The following CCDC88C variants were observed in gnomAD, a reference collection of about 807,000 sequenced individuals.
CCDC88C encodes the protein protein Daple.
A neutral mutation model predicts 198.8 loss-of-function variants in CCDC88C; 131 were observed. The ratio of observed to expected loss-of-function variants is 0.66; its 90% confidence interval spans 0.57 to 0.76. The LOEUF (loss-of-function observed/expected upper bound fraction) is 0.76. Ranked by LOEUF, CCDC88C falls within the 30% of genes least tolerant of loss-of-function variation. CCDC88C has a pLI of 0.00. For missense variants in CCDC88C, 2,553 were observed against 2,631.6 expected (o/e 0.97, Z 0.65); for synonymous variants, 1,166 against 1,114.7 (o/e 1.05, Z -0.92).
At position 91,273,574 on chromosome 14, in the gene CCDC88C, G is replaced by T; in HGVS notation, c.5138C>A (p.Pro1713Gln). The T allele has an allele frequency of 6.7e-7, 1 of 1,501,146 alleles. No homozygotes were observed. Among genetic ancestry groups the T allele is most frequent in the Non-Finnish European group, 8.9e-7 (1 of 1,124,040 alleles). The allele number at this position is 1,501,146 out of a possible 1,614,324, so 93.0% of individuals were successfully genotyped here. A position where few individuals can be genotyped will look rare whatever the true frequency, so the allele number is the denominator to read the frequency against. ...ASDPPAIGGQPGPPAKKEGAK... is the reference protein window; with the variant it reads ...ASDPPAIGGQQGPPAKKEGAK... ...CCCTTCTTTCTTGGCAGGTGGTCCT[G>T]GTTGGCCTCCGATGGCTGGGGGATC... is the stretch of plus-strand genomic sequence containing the variant. The change falls in exon 30 of 30, where the codon CCA becomes CAA. Residue 1713 changes from proline to glutamine, a missense_variant. Around this residue, in one of 2 missense-constraint regions of CCDC88C, gnomAD observed 1,293 missense variants for 1,219.6 expected, o/e 1.06. Transcript: ENST00000389857. This position sits in a 1 kb window ranked among gnomAD's most constrained non-coding sequence, Gnocchi z 5.6.
intron 3 of CCDC88C, among the ~76,000 whole-genome samples, chr14:91,403,355 G>A (rs962383544): frequency 2.6e-5 from 4 of 152,144 alleles, no homozygotes; most frequent in African/African-American, 7.2e-5. Flanking sequence ...AGTGCTTCCC[G>A]CCATACAAAG....
intron 3 of CCDC88C, among the ~76,000 whole-genome samples, chr14:91,378,336 G>A (rs1268736190): frequency 2.6e-5 from 4 of 152,192 alleles, no homozygotes; most frequent in Admixed American, 6.5e-5. Context: ...CCCAGTGAAC[G>A]CCAGGCCATC....
chr14:91,318,977 G>T (rs1183973909), intron 13 of CCDC88C, among the ~76,000 whole-genome samples: 1 of 149,760 alleles, frequency 6.7e-6, no homozygotes, highest in Non-Finnish European at 1.5e-5. Context: ...TCCTGCCACA[G>T]TCATGCCTCA....
At chr14:91,307,263 G>T in intron 17 of CCDC88C, 37 bp from the exon 18 acceptor site, 2 of 1,598,884 alleles carry the variant, frequency 1.3e-6, no homozygotes, top group Non-Finnish European at 1.7e-6. Flanking sequence ...GCTTTAGGCG[G>T]AAGCAGCCTG....
intron 2 of CCDC88C, 83 bp downstream of exon 2, chr14:91,416,655 G>C (rs2140027229): frequency 3.3e-6 from 3 of 923,036 alleles, no homozygotes; most frequent in South Asian, 1.4e-5. Context: ...CACACACCCC[G>C]CCATGCAACC....
At chr14:91,346,742 T>C (rs1468232796) in intron 4 of CCDC88C, among the ~76,000 whole-genome samples, 2 of 151,970 alleles carry the variant, frequency 1.3e-5, no homozygotes, top group Non-Finnish European at 2.9e-5. Context: ...CTACCAAAGG[T>C]ACAAAAATTA....
At chr14:91,393,742 T>C (rs1885666736) in intron 3 of CCDC88C, among the ~76,000 whole-genome samples, 2 of 152,192 alleles carry the variant, frequency 1.3e-5, no homozygotes, top group Admixed American at 6.5e-5. Context: ...TAATCCCAGT[T>C]ACTCAGGAGG....
chr14:91,364,855 G>A (rs1459090242), intron 3 of CCDC88C, among the ~76,000 whole-genome samples: 1 of 152,216 alleles, frequency 6.6e-6, no homozygotes, highest in Non-Finnish European at 1.5e-5. Flanking sequence ...AGAGAAAGCT[G>A]ATTCTATTAG....
At chr14:91,351,644 T>C (rs1049825699) in intron 4 of CCDC88C, among the ~76,000 whole-genome samples, 1 of 151,992 alleles carries the variant, frequency 6.6e-6, no homozygotes, top group African/African-American at 2.4e-5. Flanking sequence ...CCCCCGGCAT[T>C]AACATAACCA....
Position 91,338,586 on chromosome 14 carries a change from G to C in CCDC88C, c.810-16C>G, listed in dbSNP as rs2139858569. 1.0e-5 allele frequency: 16 copies of C among 1,550,378 alleles called. No homozygotes were observed. Among genetic ancestry groups the C allele is most frequent in the Non-Finnish European group, 1.4e-5 (16 of 1,144,816 alleles). ...CTTATCCTCCCTGCAGAGGCAGTAAGGAGAAAGAGTGTGGGAGGCAGCTTC... is the reference window on the plus strand; with the variant it reads ...CTTATCCTCCCTGCAGAGGCAGTAACGAGAAAGAGTGTGGGAGGCAGCTTC... On this transcript the variant is annotated splice_polypyrimidine_tract_variant and intron_variant, in intron 8 of 29. Coordinates refer to ENST00000389857, the MANE Select transcript of CCDC88C (RefSeq NM_001080414.4). The surrounding 1 kb of genome is among the most constrained non-coding windows in gnomAD (Gnocchi z 4.8).
At chr14:91,337,075 CA>C (rs1415015937) in intron 10 of CCDC88C, among the ~76,000 whole-genome samples, 3 of 152,218 alleles carry the variant, frequency 2.0e-5, no homozygotes, top group Non-Finnish European at 1.5e-5. Context: ...TTGGAATAGG[CA>C]ATGGGAAAAA....
At position 91,303,898 on chromosome 14, in the gene CCDC88C, C is replaced by T; in HGVS notation, c.3438G>A (p.Lys1146=). ...YTLLQNHHTA[K]ETENESLQRQ... is the part of the protein sequence containing the mutation. The stretch of plus-strand genomic sequence containing the variant: ...TCTGCAGGCTTTCGTTCTCCGTCTC[C>T]TTGGCCGTGTGGTGGTTCTGCAGCA... Residue 1146 remains lysine, a synonymous_variant, in exon 20 of 30, where the codon AAG becomes AAA. Transcript: ENST00000389857. 6.2e-7 allele frequency: 1 copy of T among 1,612,860 alleles called. No individual in the cohort carries two copies. The highest frequency in any genetic ancestry group is 1.3e-5 in the African/African-American group (1 of 75,074).
chr14:91,319,312 C>T (rs527940687), intron 13 of CCDC88C, among the ~76,000 whole-genome samples: 58 of 152,332 alleles, frequency 3.8e-4, no homozygotes, highest in African/African-American at 1.2e-3. Context: ...AACTGTAGAA[C>T]AAGACTGGCT....
rs572239477 is a variant in CCDC88C, at chr14:91,348,978, T to C, written c.341-5321A>G. Among the ~76,000 whole-genome samples, 11 of 152,338 alleles carry C rather than the reference T, an allele frequency of 7.2e-5. No homozygotes were observed. The South Asian group carries it at 1.9e-3, about 26-fold the overall frequency. On this transcript the variant is annotated intron_variant, in intron 4 of 29. Coordinates refer to ENST00000389857, the MANE Select transcript of CCDC88C (RefSeq NM_001080414.4). The stretch of plus-strand genomic sequence containing the variant: ...GAAGCAGAAGTTTCCTCATTTCTCA[T>C]GAGAAGCCGATGCCCAATTTCTTTC...
At chr14:91,392,819 TC>T (rs1477122396) in intron 3 of CCDC88C, among the ~76,000 whole-genome samples, 7 of 150,818 alleles carry the variant, frequency 4.6e-5, no homozygotes, top group Admixed American at 4.6e-4. Flanking sequence ...TCACTGCACT[TC>T]CTGGGAGAGG....
intron 13 of CCDC88C, 124 bp downstream of exon 13, chr14:91,320,996 C>G: frequency 1.1e-6 from 1 of 918,560 alleles, no homozygotes; most frequent in Non-Finnish European, 1.6e-6. Context: ...ATTCTGTCCA[C>G]TGCCTGACAC....
At chr14:91,393,623 C>G (rs12587463) in intron 3 of CCDC88C, among the ~76,000 whole-genome samples, 37 of 152,264 alleles carry the variant, frequency 2.4e-4, no homozygotes, top group Non-Finnish European at 1.0e-4. Flanking sequence ...GCCTCTGCAA[C>G]TTAGTCCATT....
rs1414090329 is a variant in CCDC88C, at chr14:91,313,424, C to T, written c.2392G>A (p.Ala798Thr). The T allele has an allele frequency of 6.2e-7, 1 of 1,607,398 alleles. No homozygotes were observed. The highest frequency in any genetic ancestry group is 8.5e-7 in the Non-Finnish European group (1 of 1,179,610). The change falls in exon 15 of 30, where the codon GCG becomes ACG. Residue 798 changes from alanine to threonine, a missense_variant. Ala to Thr is a moderately conservative substitution (Grantham distance 58). Around this residue, in one of 2 missense-constraint regions of CCDC88C, gnomAD observed 1,260 missense variants for 1,412.0 expected, o/e 0.89. Coordinates refer to ENST00000389857, the MANE Select transcript of CCDC88C (RefSeq NM_001080414.4). The surrounding 1 kb of genome is among the most constrained non-coding windows in gnomAD (Gnocchi z 5.2). ...AGGGCCTCCAGGTCCCGCCGCAGCG[C>T]CTGGCGCTCAGCCTCCAGCTCGCCC... ...ELGELEAERQ[A>T]LRRDLEALRL...
chr14:91,294,306 G>A lies in CCDC88C; in HGVS notation c.3979C>T (p.Leu1327Phe). ...LDNHCELLSR[L>F]KGNLEEENHH... ...TTTTCTTCCTCCAAGTTCCCCTTGAGACGGGAGAGCAGCTAGAACACAGAC... is the reference window on the plus strand; with the variant it reads ...TTTTCTTCCTCCAAGTTCCCCTTGAAACGGGAGAGCAGCTAGAACACAGAC... Residue 1327 changes from leucine to phenylalanine, a missense_variant, in exon 23 of 30, where the codon CTC (leucine) becomes TTC (phenylalanine). Leu to Phe is a conservative substitution (Grantham distance 22). This residue lies in a region of CCDC88C where 1,293 missense variants were observed against 1,219.6 expected (regional missense o/e 1.06). Coordinates refer to ENST00000389857, the MANE Select transcript of CCDC88C (RefSeq NM_001080414.4). 4 of 1,613,978 alleles carry A rather than the reference G, an allele frequency of 2.5e-6. No individual in the cohort carries two copies. The highest frequency in any genetic ancestry group is 4.5e-5 in the East Asian group (2 of 44,892).
Sources: allele counts gnomAD v4.1 joint callset (sites outside exome capture counted in the v4.1 genomes callset), GRCh38; gene constraint gnomAD v4.1.1; regional missense constraint gnomAD v4.1.1; non-coding constraint Gnocchi (gnomAD v3.1); transcripts MANE v1.5; gene names NCBI Gene and HGNC (gene_info 2026-07-23, HGNC 2026-07-21).